The following EFNA5 variants were observed in gnomAD, a reference collection of about 807,000 sequenced individuals.
EFNA5 encodes ephrin-A5.
In EFNA5, 5 loss-of-function variants were observed where a neutral mutation model predicts 22.9. The ratio of observed to expected loss-of-function variants is 0.22; its 90% CI spans 0.11 to 0.46. The LOEUF is 0.46. Ranked by LOEUF, EFNA5 falls within the 20% of genes least tolerant of loss-of-function variation. The probability of loss-of-function intolerance (pLI) is 0.99; values close to 1 mark genes in which losing one functional copy is unlikely to be tolerated. For missense variants in EFNA5, 237 were observed against 293.3 expected (o/e 0.81, Z 1.40); for synonymous variants, 113 against 112.2 (o/e 1.01, Z -0.04).
chr5:107,457,921 GTGT>G (rs777605719), intron 1 of EFNA5, among the ~76,000 whole-genome samples: 3 of 152,160 alleles, frequency 2.0e-5, no homozygotes, highest in Non-Finnish European at 4.4e-5. Context: ...TAAGAAGTGG[GTGT>G]TGTTATTTTC....
At chr5:107,594,345 G>T (rs1218308563) in intron 1 of EFNA5, among the ~76,000 whole-genome samples, 1 of 152,110 alleles carries the variant, frequency 6.6e-6, no homozygotes, top group Non-Finnish European at 1.5e-5. Flanking sequence ...TAAAAAGAAG[G>T]GCTGCTGGTG....
At chr5:107,421,055 CTG>C (rs1748644455) in intron 2 of EFNA5, among the ~76,000 whole-genome samples, 1 of 152,164 alleles carries the variant, frequency 6.6e-6, no homozygotes, top group South Asian at 2.1e-4. Flanking sequence ...TAGCCAATAA[CTG>C]TATTGTACAA....
chr5:107,431,025 C>T (rs964883579), intron 1 of EFNA5, among the ~76,000 whole-genome samples: 51 of 152,224 alleles, frequency 3.4e-4, no homozygotes, highest in African/African-American at 1.1e-3. Flanking sequence ...CTGCCCAGCT[C>T]GGCCTCCCGA....
chr5:107,530,900 G>A (rs1747797123), intron 1 of EFNA5, among the ~76,000 whole-genome samples: 1 of 152,144 alleles, frequency 6.6e-6, no homozygotes, highest in Admixed American at 6.6e-5. Context: ...CTGGGACATT[G>A]CCTCTCCTGT....
intron 1 of EFNA5, among the ~76,000 whole-genome samples, chr5:107,480,167 A>T (rs1750419968): frequency 6.6e-6 from 1 of 152,234 alleles, no homozygotes; most frequent in South Asian, 2.1e-4. Flanking sequence ...AGCTCTAGTT[A>T]AAATGGGAAA....
intron 4 of EFNA5, among the ~76,000 whole-genome samples, chr5:107,383,747 G>GTAC (rs1309687210): frequency 6.6e-6 from 1 of 152,066 alleles, no homozygotes; most frequent in Non-Finnish European, 1.5e-5. Context: ...TCCCTTCTAG[G>GTAC]TACTCAGTGA....
intron 1 of EFNA5, among the ~76,000 whole-genome samples, chr5:107,572,001 A>T (rs1274468877): frequency 6.6e-6 from 1 of 152,132 alleles, no homozygotes; most frequent in Non-Finnish European, 1.5e-5. Flanking sequence ...TGTTAACAAC[A>T]AAAAGAAACT....
chr5:107,471,508 T>C (rs1750140520), intron 1 of EFNA5, among the ~76,000 whole-genome samples: 1 of 152,260 alleles, frequency 6.6e-6, no homozygotes, highest in Non-Finnish European at 1.5e-5. Flanking sequence ...TCCTTGGCAT[T>C]GATAAGGATC....
chr5:107,537,206 T>G (rs1490675030), intron 1 of EFNA5, among the ~76,000 whole-genome samples: 8 of 152,056 alleles, frequency 5.3e-5, no homozygotes. Context: ...TAAAAACATT[T>G]GTCTAGACTG....
rs185754953 is a variant in EFNA5 at position 107,491,652 on chromosome 5, G to A, written c.126-64143C>T. Among the ~76,000 whole-genome samples the A allele has an allele frequency of 1.1e-4, 16 of 152,220 alleles. No homozygotes were observed. In the East Asian group the frequency reaches 3.1e-3, roughly 29 times the overall value. On this transcript the variant is annotated intron_variant, in intron 1 of 4. Transcript: ENST00000333274. ...TTGGTGACTGGAATAAGGGAAGTCT[G>A]CAATTTTTATGACTTTATATGTGTA...
chr5:107,521,471 TA>T lies in EFNA5; in HGVS notation c.126-93963del, dbSNP rs1561421024. Among the ~76,000 whole-genome samples, 76 of 131,040 alleles carry T rather than the reference TA, an allele frequency of 5.8e-4. 1 individual carries two copies. The highest frequency in any genetic ancestry group is 5.4e-3 in the South Asian group (24 of 4,472). The allele number at this position is 131,040 out of a possible 152,430, so 86.0% of individuals were successfully genotyped here. ...CCACACCTGGCTATATATATATATA[TA>T]TATATTTTTTTTTTTTTTTGGAGAG... On this transcript the variant is annotated intron_variant, in intron 1 of 4. Transcript: ENST00000333274.
intron 1 of EFNA5, among the ~76,000 whole-genome samples, chr5:107,485,120 G>C (rs748794737): frequency 6.6e-6 from 1 of 151,942 alleles, no homozygotes; most frequent in Non-Finnish European, 1.5e-5. Flanking sequence ...TAAGAGGAGG[G>C]TTTGAATTCC....
At chr5:107,604,876 C>T (rs574508695) in intron 1 of EFNA5, among the ~76,000 whole-genome samples, 10 of 152,144 alleles carry the variant, frequency 6.6e-5, no homozygotes, top group South Asian at 2.1e-4. Context: ...TGCTTAATTG[C>T]GGGATGTTTT....
At chr5:107,451,963 T>A (rs1749570212) in intron 1 of EFNA5, among the ~76,000 whole-genome samples, 1 of 152,026 alleles carries the variant, frequency 6.6e-6, no homozygotes, top group Admixed American at 6.5e-5. Context: ...AGCAAAGACA[T>A]GGAACCAACT....
intron 2 of EFNA5, among the ~76,000 whole-genome samples, chr5:107,394,854 A>G (rs1003919804): frequency 6.6e-6 from 1 of 152,192 alleles, no homozygotes; most frequent in African/African-American, 2.4e-5. Context: ...TATCTGAAGT[A>G]TGAGCAAACT....
intron 2 of EFNA5, among the ~76,000 whole-genome samples, chr5:107,405,794 G>C (rs186966424): frequency 6.6e-6 from 1 of 150,972 alleles, no homozygotes; most frequent in South Asian, 2.1e-4. Context: ...ATGATGAACC[G>C]CCCCCCATAC....
chr5:107,565,748 T>C (rs1178415586), intron 1 of EFNA5, among the ~76,000 whole-genome samples: 1 of 152,248 alleles, frequency 6.6e-6, no homozygotes, highest in Non-Finnish European at 1.5e-5. Flanking sequence ...GGGGCATAAA[T>C]TATTTTTAAC....
At chr5:107,427,093 C>A (rs1281716451) in intron 2 of EFNA5, 124 bp downstream of exon 2, 5 of 999,376 alleles carry the variant, frequency 5.0e-6, no homozygotes, top group Non-Finnish European at 6.0e-6. Flanking sequence ...TCCTGATGTA[C>A]GCATTTACAA....
At chr5:107,666,572 C>T (rs919969543) in intron 1 of EFNA5, among the ~76,000 whole-genome samples, 5 of 152,112 alleles carry the variant, frequency 3.3e-5, no homozygotes, top group African/African-American at 7.2e-5. Flanking sequence ...ATGACTTACA[C>T]AGATATTTTC....
Sources: gnomAD v4.1 joint callset for allele counts (sites outside exome capture counted in the v4.1 genomes callset) on GRCh38, gnomAD v4.1.1 for gene constraint, MANE v1.5 for transcripts, NCBI Gene and HGNC (gene_info 2026-07-23, HGNC 2026-07-21) for gene names.